The following TMEM178B variants were observed in gnomAD, a reference collection of about 807,000 sequenced individuals.
TMEM178B encodes the protein transmembrane protein 178B.
Under a neutral mutation model 31.0 loss-of-function variants are expected in TMEM178B, and 5 were observed. The observed-to-expected ratio is 0.16, with a 90% CI of 0.08 to 0.34. The LOEUF (loss-of-function observed/expected upper bound fraction) is 0.34. Ranked by LOEUF, TMEM178B falls within the 10% of genes least tolerant of loss-of-function variation. The pLI is 1.00. For synonymous variants in TMEM178B, 164 were observed against 164.0 expected, an observed-to-expected ratio of 1.00 and a Z score of 0.00; for missense variants, 275 against 400.3, an observed-to-expected ratio of 0.69 and a Z score of 2.67.
chr7:141,174,534 C>T (rs1796397424), intron 1 of TMEM178B, among the ~76,000 whole-genome samples: 1 of 152,156 alleles, frequency 6.6e-6, no homozygotes, highest in African/African-American at 2.4e-5. Flanking sequence ...GAGGAATCAC[C>T]ACACTGTTTT....
chr7:141,158,447 C>T (rs1231653772), intron 1 of TMEM178B, among the ~76,000 whole-genome samples: 3 of 152,118 alleles, frequency 2.0e-5, no homozygotes, highest in African/African-American at 4.8e-5. Flanking sequence ...GAGCAAGATC[C>T]GTGTCTGATC....
rs183569997 is a variant in TMEM178B, at chr7:141,423,111, C to T, written c.497-14497C>T. The stretch of plus-strand genomic sequence containing the variant: ...CTGGAGTGCAGTGGCGTGATCTCGG[C>T]TCACTGTAACCTCCGCCTTCCAGGT... On this transcript the variant is annotated intron_variant, in intron 2 of 3. Transcript: ENST00000565468. Among the ~76,000 whole-genome samples the T allele has an allele frequency of 7.5e-3, 1,145 of 152,244 alleles. 9 individuals are homozygous for T. Among genetic ancestry groups the T allele is most frequent in the Non-Finnish European group, 0.012 (787 of 68,018 alleles).
intron 3 of TMEM178B, among the ~76,000 whole-genome samples, chr7:141,443,439 T>C (rs1189251188): frequency 6.6e-6 from 1 of 152,162 alleles, no homozygotes; most frequent in East Asian, 1.9e-4. Context: ...TTTCCTTGTT[T>C]TTGACGATCT....
chr7:141,487,090 G>A, the TMEM178B span, among the ~76,000 whole-genome samples: 13 of 152,106 alleles, frequency 8.5e-5, no homozygotes, highest in South Asian at 2.1e-4. Context: ...TCAAATGTTC[G>A]CTGCAACTTC....
chr7:141,221,425 T>TG (rs11450274), intron 2 of TMEM178B, among the ~76,000 whole-genome samples: 82,007 of 152,026 alleles, frequency 0.54, 24,403 homozygotes, highest in African/African-American at 0.8. Context: ...GGCAGATACC[T>TG]GCATCAATAA....
At chr7:141,271,531 G>T (rs1284264079) in intron 2 of TMEM178B, among the ~76,000 whole-genome samples, 1 of 152,140 alleles carries the variant, frequency 6.6e-6, no homozygotes, top group African/African-American at 2.4e-5. Flanking sequence ...ATTGATCGTG[G>T]TCCCTTTTCC....
At chr7:141,350,702 A>G (rs1799704957) in intron 2 of TMEM178B, among the ~76,000 whole-genome samples, 1 of 152,204 alleles carries the variant, frequency 6.6e-6, no homozygotes, top group African/African-American at 2.4e-5. Context: ...TTTAAATTAC[A>G]AAATATTTCA....
chr7:141,470,903 C>A lies in TMEM178B; in HGVS notation c.*117C>A. On this transcript the variant is annotated 3_prime_UTR_variant, in exon 4 of 4. Coordinates refer to ENST00000565468, the MANE Select transcript of TMEM178B (RefSeq NM_001195278.2). The stretch of plus-strand genomic sequence containing the variant: ...GTGCCAAGGTAGAGTTGAGTTGGCT[C>A]AGGCACCTGCATCTCGCCGGACTTT... 1 of 572,534 alleles carries A rather than the reference C, an allele frequency of 1.7e-6. No homozygotes were observed. The highest frequency in any genetic ancestry group is 2.3e-6 in the Non-Finnish European group (1 of 438,484). The allele number at this position is 572,534 out of a possible 1,614,324, so 35.5% of individuals were successfully genotyped here.
chr7:141,442,102 A>T (rs1166391677), intron 3 of TMEM178B, among the ~76,000 whole-genome samples: 1 of 152,216 alleles, frequency 6.6e-6, no homozygotes, highest in Non-Finnish European at 1.5e-5. Context: ...GCAAGGGAGC[A>T]CGTGACTGCT....
At chr7:141,175,337 C>T (rs1796410331) in intron 1 of TMEM178B, among the ~76,000 whole-genome samples, 1 of 152,028 alleles carries the variant, frequency 6.6e-6, no homozygotes. Flanking sequence ...GTTTTGGTAC[C>T]AGTACCATGC....
chr7:141,458,780 A>C (rs1166515303), intron 3 of TMEM178B, among the ~76,000 whole-genome samples: 3 of 152,326 alleles, frequency 2.0e-5, no homozygotes, highest in Non-Finnish European at 2.9e-5. Context: ...CTGATGCTGA[A>C]GTCCTGCAAA....
At chr7:141,126,065 C>G (rs1795490016) in intron 1 of TMEM178B, among the ~76,000 whole-genome samples, 1 of 152,256 alleles carries the variant, frequency 6.6e-6, no homozygotes, top group South Asian at 2.1e-4. Flanking sequence ...AAGACAGTTA[C>G]CAAGCGATGA....
intron 2 of TMEM178B, among the ~76,000 whole-genome samples, chr7:141,242,477 AGTGT>A (rs66723569): frequency 0.43 from 60,684 of 140,294 alleles, 14,241 homozygotes; most frequent in African/African-American, 0.66. Context: ...ACTTTGTGTG[AGTGT>A]GTGTGTGTGT....
intron 2 of TMEM178B, among the ~76,000 whole-genome samples, chr7:141,270,645 A>G (rs1798166990): frequency 6.6e-6 from 1 of 152,234 alleles, no homozygotes; most frequent in South Asian, 2.1e-4. Flanking sequence ...AAAACACTAT[A>G]GGATTCGAGT....
intron 1 of TMEM178B, among the ~76,000 whole-genome samples, chr7:141,207,952 G>C (rs1469838936): frequency 2.0e-5 from 3 of 152,160 alleles, no homozygotes; most frequent in Admixed American, 2.0e-4. Flanking sequence ...CAATTTAGGA[G>C]ACTGAGGTGG....
At chr7:141,439,723 G>A (rs1563183084) in intron 3 of TMEM178B, among the ~76,000 whole-genome samples, 2 of 152,182 alleles carry the variant, frequency 1.3e-5, no homozygotes, top group African/African-American at 4.8e-5. Flanking sequence ...AAGAAAAGCT[G>A]AGCAAACGGG....
intron 2 of TMEM178B, among the ~76,000 whole-genome samples, chr7:141,427,634 T>C (rs1801343617): frequency 6.6e-6 from 1 of 152,196 alleles, no homozygotes; most frequent in Admixed American, 6.5e-5. Context: ...TTTCATGACA[T>C]TGGTCTGGGC....
intron 2 of TMEM178B, among the ~76,000 whole-genome samples, chr7:141,237,868 C>G (rs1172908295): frequency 1.3e-5 from 2 of 151,828 alleles, no homozygotes; most frequent in Non-Finnish European, 2.9e-5. Flanking sequence ...TACCAAAATA[C>G]AAAAATTAGC....
intron 2 of TMEM178B, among the ~76,000 whole-genome samples, chr7:141,373,655 C>T (rs573360106): frequency 6.6e-6 from 1 of 152,166 alleles, no homozygotes. Flanking sequence ...CTCCACCCCC[C>T]CAACACACAT....
Sources: gnomAD v4.1 joint callset for allele counts (sites outside exome capture counted in the v4.1 genomes callset) on GRCh38, gnomAD v4.1.1 for gene constraint, MANE v1.5 for transcripts, NCBI Gene and HGNC (gene_info 2026-07-23, HGNC 2026-07-21) for gene names.